Variants in RBFOX1 observed in about 807,000 individuals in gnomAD.
RBFOX1 encodes RNA binding fox-1 homolog 1.
Under a neutral mutation model 57.7 loss-of-function variants are expected in RBFOX1, and 8 were observed. The observed-to-expected ratio is 0.14, with a 90% CI of 0.08 to 0.25. The LOEUF (loss-of-function observed/expected upper bound fraction) is 0.25, where lower values mean the gene tolerates loss of function less well. Among genes scored for constraint, RBFOX1 ranks in the 10% least tolerant of loss-of-function variants. The pLI is 1.00. For missense variants in RBFOX1, 611 were observed against 548.5 expected (o/e 1.11, Z -1.14); for synonymous variants, 326 against 222.4 (o/e 1.47, Z -4.15).
intron 3 of RBFOX1, among the ~76,000 whole-genome samples, chr16:5,675,377 A>G (rs2050135190): frequency 6.6e-6 from 1 of 152,190 alleles, no homozygotes; most frequent in Admixed American, 6.5e-5. Flanking sequence ...CTTTGGGCTA[A>G]GCACATTGGT....
chr16:6,557,092 T>C (rs1599755816), intron 2 of RBFOX1, among the ~76,000 whole-genome samples: 1 of 145,726 alleles, frequency 6.9e-6, no homozygotes, highest in Non-Finnish European at 1.5e-5. Context: ...TACATACATA[T>C]ACATATATAC....
chr16:7,041,711 A>T (rs142291048), intron 3 of RBFOX1, among the ~76,000 whole-genome samples: 1,569 of 152,308 alleles, frequency 0.01, 15 homozygotes, highest in Middle Eastern at 0.024. Context: ...TAATTTAGCC[A>T]AATTCACAAG....
intron 1 of RBFOX1, among the ~76,000 whole-genome samples, chr16:6,226,772 A>C (rs988405801): frequency 2.6e-5 from 4 of 152,020 alleles, no homozygotes; most frequent in African/African-American, 9.7e-5. Flanking sequence ...AAGTTGTAAC[A>C]GTATATGCCT....
chr16:7,505,211 C>G (rs7499225), intron 4 of RBFOX1, among the ~76,000 whole-genome samples: 121,451 of 148,998 alleles, frequency 0.82, 50,199 homozygotes, highest in Middle Eastern at 0.91. Flanking sequence ...CTCAGACACT[C>G]TTTGAGATGA....
At chr16:6,579,123 G>A (rs2097493579) in intron 2 of RBFOX1, among the ~76,000 whole-genome samples, 1 of 152,006 alleles carries the variant, frequency 6.6e-6, no homozygotes, top group South Asian at 2.1e-4. Context: ...CTTCTATTTT[G>A]GTTCTACCTA....
chr16:7,416,115 C>T (rs930200155), intron 4 of RBFOX1, among the ~76,000 whole-genome samples: 2 of 152,186 alleles, frequency 1.3e-5, no homozygotes, highest in Admixed American at 6.5e-5. Flanking sequence ...CGATTGCTCC[C>T]ATTTTGTATT....
intron 1 of RBFOX1, among the ~76,000 whole-genome samples, chr16:5,297,636 A>G (rs1229092701): frequency 6.6e-6 from 1 of 152,120 alleles, no homozygotes; most frequent in East Asian, 1.9e-4. Flanking sequence ...TTCCTTATAT[A>G]TATTCTAGCC....
At chr16:6,837,622 G>A (rs765438754) in intron 3 of RBFOX1, among the ~76,000 whole-genome samples, 5 of 152,184 alleles carry the variant, frequency 3.3e-5, no homozygotes, top group Admixed American at 6.5e-5. Context: ...TGGGCAAGTC[G>A]CTCAATCTCT....
intron 4 of RBFOX1, among the ~76,000 whole-genome samples, chr16:7,061,259 T>C (rs2153746856): frequency 6.6e-6 from 1 of 151,934 alleles, no homozygotes; most frequent in East Asian, 1.9e-4. Context: ...TTTAAAATGT[T>C]TTTTAAAATG....
intron 3 of RBFOX1, among the ~76,000 whole-genome samples, chr16:6,834,449 A>G (rs965607201): frequency 6.6e-5 from 10 of 152,276 alleles, no homozygotes; most frequent in Middle Eastern, 3.4e-3. Flanking sequence ...GGAAGCGTCA[A>G]TGGATGCCTA....
At chr16:7,402,901 C>T (rs530732820) in intron 4 of RBFOX1, among the ~76,000 whole-genome samples, 6 of 152,242 alleles carry the variant, frequency 3.9e-5, no homozygotes, top group South Asian at 2.1e-4. Flanking sequence ...AAAGTATAAA[C>T]TGTGGTCTAT....
At chr16:5,870,679 A>T (rs1171937331) in intron 4 of RBFOX1, among the ~76,000 whole-genome samples, 1 of 150,328 alleles carries the variant, frequency 6.7e-6, no homozygotes, top group African/African-American at 2.5e-5. Context: ...CAGCCACATC[A>T]TATTTTTTTT....
At chr16:7,473,604 T>C (rs2062010421) in intron 4 of RBFOX1, among the ~76,000 whole-genome samples, 1 of 151,728 alleles carries the variant, frequency 6.6e-6, no homozygotes, top group South Asian at 2.1e-4. Context: ...ACCCATATTA[T>C]GAGTTACAGG....
chr16:5,705,774 C>A (rs1489461588), intron 3 of RBFOX1, among the ~76,000 whole-genome samples: 2 of 152,202 alleles, frequency 1.3e-5, no homozygotes, highest in African/African-American at 4.8e-5. Context: ...TGTCATTCTC[C>A]TGGGATACCG....
intron 4 of RBFOX1, among the ~76,000 whole-genome samples, chr16:7,190,284 A>T (rs2085049618): frequency 1.3e-5 from 2 of 152,156 alleles, no homozygotes. Flanking sequence ...ACTTGAACGC[A>T]GGAGGCGGAG....
chr16:5,347,298 A>G (rs1335384029), intron 1 of RBFOX1, among the ~76,000 whole-genome samples: 1 of 152,200 alleles, frequency 6.6e-6, no homozygotes, highest in Non-Finnish European at 1.5e-5. Flanking sequence ...ATGTGCATGT[A>G]GAAGTGTGTC....
At chr16:6,685,442 A>ATTTTTT (rs71145275) in intron 3 of RBFOX1, among the ~76,000 whole-genome samples, 9 of 125,646 alleles carry the variant, frequency 7.2e-5, no homozygotes, top group Non-Finnish European at 1.1e-4. Context: ...TACCCAGCTA[A>ATTTTTT]TTTTTTTTTT....
chr16:7,705,363 G>T (rs2082096160), intron 14 of RBFOX1, among the ~76,000 whole-genome samples: 2 of 151,988 alleles, frequency 1.3e-5, no homozygotes, highest in Non-Finnish European at 2.9e-5. Context: ...AAATTAGCTG[G>T]GTGTGGTGGC....
At chr16:6,880,160 A>G (rs557858839) in intron 3 of RBFOX1, among the ~76,000 whole-genome samples, 287 of 152,214 alleles carry the variant, frequency 1.9e-3, no homozygotes, top group African/African-American at 6.5e-3. Flanking sequence ...TTCTCTAATC[A>G]TGGGATATTC....
Sources: allele counts gnomAD v4.1 joint callset (sites outside exome capture counted in the v4.1 genomes callset), GRCh38; gene constraint gnomAD v4.1.1; transcripts MANE v1.5; gene names NCBI Gene and HGNC (gene_info 2026-07-23, HGNC 2026-07-21).